Variants in PKHD1 observed in about 807,000 individuals in gnomAD.
The protein encoded by PKHD1 is fibrocystin.
A neutral mutation model predicts 412.0 loss-of-function variants in PKHD1; 291 were observed. The ratio of observed to expected loss-of-function variants is 0.71; its 90% confidence interval spans 0.64 to 0.78. The LOEUF (loss-of-function observed/expected upper bound fraction) is 0.78. Ranked by LOEUF, PKHD1 falls within the 30% of genes least tolerant of loss-of-function variation. PKHD1 has a pLI of 0.00. For synonymous variants in PKHD1, 1,777 were observed against 1,821.5 expected, an observed-to-expected ratio of 0.98 and a Z score of 0.62; for missense variants, 4,825 against 4,950.7, an observed-to-expected ratio of 0.97 and a Z score of 0.76.
intron 52 of PKHD1, among the ~76,000 whole-genome samples, chr6:51,813,602 A>G (rs1765015177): frequency 6.6e-6 from 1 of 152,114 alleles, no homozygotes; most frequent in Non-Finnish European, 1.5e-5. Flanking sequence ...TCTGACCACT[A>G]TTATTCAAGT....
chr6:51,834,164 T>A (rs190072486), intron 51 of PKHD1, among the ~76,000 whole-genome samples: 366 of 152,250 alleles, frequency 2.4e-3, no homozygotes, highest in Non-Finnish European at 3.6e-3. Context: ...ATTTGTTTTG[T>A]TTTTAAATGG....
intron 35 of PKHD1, among the ~76,000 whole-genome samples, chr6:51,961,165 A>G (rs1234841114): frequency 1.3e-5 from 2 of 151,884 alleles, no homozygotes; most frequent in Non-Finnish European, 2.9e-5. Flanking sequence ...ATTAGAAGGG[A>G]AGGCATGTTT....
intron 43 of PKHD1, among the ~76,000 whole-genome samples, chr6:51,887,553 C>G (rs548480455): frequency 2.6e-5 from 4 of 152,252 alleles, no homozygotes; most frequent in African/African-American, 9.6e-5. Flanking sequence ...ACTGTCCCCC[C>G]TTAGTACTGT....
At chr6:51,663,019 T>C (rs920864404) in intron 60 of PKHD1, among the ~76,000 whole-genome samples, 1 of 152,054 alleles carries the variant, frequency 6.6e-6, no homozygotes, top group Non-Finnish European at 1.5e-5. Flanking sequence ...CTAACTCTAA[T>C]GTTAAGAGTT....
chr6:52,039,942 G>C (rs1804573303), intron 27 of PKHD1, among the ~76,000 whole-genome samples: 1 of 152,146 alleles, frequency 6.6e-6, no homozygotes, highest in African/African-American at 2.4e-5. Context: ...ATAAAGTACT[G>C]ATACATGTTA....
At chr6:52,079,121 G>A (rs912923888) in intron 5 of PKHD1, among the ~76,000 whole-genome samples, 12 of 152,168 alleles carry the variant, frequency 7.9e-5, no homozygotes, top group African/African-American at 1.2e-4. Flanking sequence ...CAGGAGTACC[G>A]CCAAATCTCT....
intron 35 of PKHD1, among the ~76,000 whole-genome samples, chr6:51,974,611 A>G (rs997496911): frequency 3.3e-5 from 5 of 152,172 alleles, no homozygotes; most frequent in African/African-American, 1.2e-4. Context: ...GGAATGAAAA[A>G]CCAAACATTG....
intron 37 of PKHD1, among the ~76,000 whole-genome samples, chr6:51,925,451 GTGTA>G (rs1426505883): frequency 1.3e-4 from 13 of 100,846 alleles, no homozygotes; most frequent in African/African-American, 4.1e-4. Flanking sequence ...GTGTGTGTGT[GTGTA>G]TGTGTGTGTG....
intron 46 of PKHD1, among the ~76,000 whole-genome samples, chr6:51,872,528 C>T (rs765398455): frequency 6.7e-4 from 102 of 152,086 alleles, no homozygotes; most frequent in Non-Finnish European, 1.1e-3. Flanking sequence ...CCTACTTCAG[C>T]CTCCCGAGTA....
intron 35 of PKHD1, among the ~76,000 whole-genome samples, chr6:51,961,208 A>G (rs1464169290): frequency 6.6e-6 from 1 of 152,170 alleles, no homozygotes; most frequent in Non-Finnish European, 1.5e-5. Flanking sequence ...CACAGAGAAT[A>G]GTGCTCTATA....
At position 52,006,955 on chromosome 6, in the gene PKHD1, T is replaced by A. The variant is rs189821989; in HGVS notation, c.5751+3354A>T. ...GAACATACGATATTTGGTTTACCATTCCTGAGTTACTTCACTTAGAATAAT... is the reference window on the plus strand; with the variant it reads ...GAACATACGATATTTGGTTTACCATACCTGAGTTACTTCACTTAGAATAAT... On this transcript the variant is annotated intron_variant, in intron 35 of 66. Coordinates refer to ENST00000371117, the MANE Select transcript of PKHD1 (RefSeq NM_138694.4). 1.1e-4 allele frequency among the ~76,000 whole-genome samples: 17 copies of A among 152,338 alleles called. No individual in the cohort carries two copies. In the East Asian group the frequency reaches 3.1e-3, roughly 28 times the overall value.
At chr6:52,050,095 G>GT in intron 22 of PKHD1, 62 bp downstream of exon 22, 1 of 1,540,666 alleles carries the variant, frequency 6.5e-7, no homozygotes, top group South Asian at 1.1e-5. Context: ...TCACACCTGT[G>GT]TCCCTCAAGG....
rs1773096226 is a variant in PKHD1, at chr6:51,855,389, TCAC to T, written c.7911+501_7911+503del. Reference sequence around the variant, plus strand: ...TCTTGCCACACGGCCATTTCTATCTTCACTGCTCTTATTTGTCTCCCTTAACCC... The same window carrying T: ...TCTTGCCACACGGCCATTTCTATCTTTGCTCTTATTTGTCTCCCTTAACCC... On this transcript the variant is annotated intron_variant, in intron 49 of 66. Transcript: ENST00000371117. 3.3e-5 allele frequency among the ~76,000 whole-genome samples: 5 copies of T among 152,340 alleles called. No individual in the cohort carries two copies. The South Asian group carries it at 1.0e-3, about 32-fold the overall frequency.
chr6:51,737,035 C>A (rs1223285469), intron 60 of PKHD1, among the ~76,000 whole-genome samples: 1 of 152,086 alleles, frequency 6.6e-6, no homozygotes, highest in Non-Finnish European at 1.5e-5. Flanking sequence ...TTTTATCAAC[C>A]TAATCTTTTA....
intron 60 of PKHD1, 53 bp from the exon 61 acceptor site, chr6:51,660,022 G>T: frequency 2.7e-6 from 3 of 1,103,468 alleles, no homozygotes; most frequent in South Asian, 1.3e-5. Context: ...ATCTGTCAAT[G>T]ATTATTTGTA....
At chr6:51,779,682 T>C (rs1206550229) in intron 53 of PKHD1, among the ~76,000 whole-genome samples, 3 of 152,234 alleles carry the variant, frequency 2.0e-5, no homozygotes, top group South Asian at 4.1e-4. Flanking sequence ...TAAGCATTTA[T>C]GTACCTACCA....
intron 51 of PKHD1, among the ~76,000 whole-genome samples, chr6:51,833,246 A>T (rs1582937940): frequency 1.3e-5 from 2 of 152,186 alleles, no homozygotes; most frequent in Non-Finnish European, 1.5e-5. Flanking sequence ...GGAAACAAAC[A>T]TTCTGTACTT....
At chr6:52,017,701 A>C in intron 33 of PKHD1, 72 bp from the exon 34 acceptor site, 1 of 1,158,998 alleles carries the variant, frequency 8.6e-7, no homozygotes, top group Non-Finnish European at 1.3e-6. Context: ...TTCACAAATG[A>C]AGTTCCTGTG....
chr6:52,025,030 C>G lies in PKHD1; in HGVS notation c.4780G>C (p.Glu1594Gln), dbSNP rs760267666. The G allele has an allele frequency of 7.4e-6, 12 of 1,614,012 alleles. No homozygotes were observed. The East Asian group carries it at 2.2e-4, about 30-fold the overall frequency. The change falls in exon 32 of 67, where the codon GAG becomes CAG. Residue 1594 changes from glutamate (E) to glutamine (Q), a missense_variant. By Grantham distance (29) the Glu-to-Gln change is conservative (BLOSUM62 2). Coordinates refer to ENST00000371117, the MANE Select transcript of PKHD1 (RefSeq NM_138694.4). ...SLHGGSLLTIEGTGLRGQNTT... is the reference protein window; with the variant it reads ...SLHGGSLLTIQGTGLRGQNTT... ...TTCTGTCCTCTCAGGCCTGTGCCCT[C>G]TATGGTCAAGAGGCTTCCACCATGT...
Sources: allele counts gnomAD v4.1 joint callset (sites outside exome capture counted in the v4.1 genomes callset), GRCh38; gene constraint gnomAD v4.1.1; transcripts MANE v1.5; gene names NCBI Gene and HGNC (gene_info 2026-07-23, HGNC 2026-07-21).